Variants in FRY observed in about 807,000 individuals in gnomAD.
The protein encoded by FRY is protein furry homolog.
Under a neutral mutation model 348.4 loss-of-function variants are expected in FRY, and 128 were observed. That is an observed-to-expected ratio of 0.37 (90% CI 0.32 to 0.43). The LOEUF (loss-of-function observed/expected upper bound fraction) is 0.43. FRY is among the 20% of genes least tolerant of loss of function. The probability of loss-of-function intolerance (pLI) is 1.00; values close to 1 mark genes in which losing one functional copy is unlikely to be tolerated. For synonymous variants in FRY, 1,370 were observed against 1,374.7 expected (o/e 1.00, Z 0.08); for missense variants, 2,736 against 3,695.2 (o/e 0.74, Z 6.73).
At chr13:32,256,835 A>T (rs1887363818) in intron 51 of FRY, among the ~76,000 whole-genome samples, 1 of 150,530 alleles carries the variant, frequency 6.6e-6, no homozygotes, top group Admixed American at 6.7e-5. Context: ...AGCATTCCTC[A>T]TCTGAAAATT....
chr13:32,194,723 GA>G (rs978437130), intron 29 of FRY, among the ~76,000 whole-genome samples: 1 of 151,740 alleles, frequency 6.6e-6, no homozygotes, highest in African/African-American at 2.4e-5. Flanking sequence ...CTTCAGAAAG[GA>G]AAAAAAGAAA....
At chr13:32,118,762 T>C (rs566377517) in intron 4 of FRY, among the ~76,000 whole-genome samples, 3 of 152,322 alleles carry the variant, frequency 2.0e-5, no homozygotes, top group African/African-American at 7.2e-5. Flanking sequence ...TCCTCATGAA[T>C]ATTTTTTTAA....
intron 2 of FRY, among the ~76,000 whole-genome samples, chr13:32,099,119 G>A (rs1876978045): frequency 6.6e-6 from 1 of 151,840 alleles, no homozygotes; most frequent in South Asian, 2.1e-4. Flanking sequence ...ATGTGAGCAG[G>A]TACATATAAA....
chr13:32,177,265 A>G (rs915070757), intron 20 of FRY, among the ~76,000 whole-genome samples: 1 of 152,096 alleles, frequency 6.6e-6, no homozygotes, highest in Admixed American at 6.6e-5. Context: ...AGAGATTTTT[A>G]TTTTTGCTTG....
At chr13:32,270,128 A>G (rs1345188271) in intron 55 of FRY, among the ~76,000 whole-genome samples, 1 of 152,224 alleles carries the variant, frequency 6.6e-6, no homozygotes, top group Non-Finnish European at 1.5e-5. Context: ...AAGGCAAACT[A>G]CCAGAAAGCT....
intron 13 of FRY, among the ~76,000 whole-genome samples, chr13:32,148,631 A>G (rs1303162494): frequency 6.6e-6 from 1 of 152,236 alleles, no homozygotes; most frequent in Non-Finnish European, 1.5e-5. Context: ...AGCCTCTGCC[A>G]TGAGCCATCT....
intron 1 of FRY, among the ~76,000 whole-genome samples, chr13:32,069,983 G>A (rs1384476942): frequency 6.6e-6 from 1 of 151,654 alleles, no homozygotes. Flanking sequence ...CTGTCCTTGT[G>A]ATAGTTTGCT....
chr13:32,170,754 C>G (rs186806917), intron 17 of FRY, among the ~76,000 whole-genome samples: 2 of 152,230 alleles, frequency 1.3e-5, no homozygotes, highest in Non-Finnish European at 2.9e-5. Context: ...CCAAGCTGTC[C>G]TCGAACTCCT....
At chr13:32,175,060 A>G (rs998246305) in intron 19 of FRY, among the ~76,000 whole-genome samples, 1 of 152,198 alleles carries the variant, frequency 6.6e-6, no homozygotes, top group Non-Finnish European at 1.5e-5. Flanking sequence ...TACTATGTAG[A>G]TACTACAAAG....
intron 58 of FRY, among the ~76,000 whole-genome samples, chr13:32,280,818 C>T (rs768932637): frequency 6.6e-6 from 1 of 152,166 alleles, no homozygotes; most frequent in Non-Finnish European, 1.5e-5. Context: ...CGGGTTAACC[C>T]TAAGGATAAC....
At chr13:32,271,095 C>T (rs757066952) in intron 55 of FRY, among the ~76,000 whole-genome samples, 5 of 152,182 alleles carry the variant, frequency 3.3e-5, no homozygotes, top group Non-Finnish European at 7.3e-5. Context: ...TCTTTCTCCA[C>T]CCTCTACCTG....
intron 39 of FRY, among the ~76,000 whole-genome samples, chr13:32,226,276 A>G (rs1303265234): frequency 6.6e-6 from 1 of 152,224 alleles, no homozygotes; most frequent in East Asian, 1.9e-4. Context: ...CAGGAGCAGC[A>G]GTCTAGAACA....
In FRY at chr13:32,043,436, C is replaced by T. The variant is rs554794366; in HGVS notation, c.70+11571C>T. 5.9e-5 allele frequency among the ~76,000 whole-genome samples: 9 copies of T among 152,238 alleles called. No individual in the cohort carries two copies. The East Asian group carries it at 7.7e-4, about 13-fold the overall frequency. On this transcript the variant is annotated intron_variant, in intron 1 of 60. Transcript: ENST00000542859. ...TAAGCACTTATGAAGTGTCAAGAGC[C>T]GCATGAAGTGCTGTATATGTATCAT...
chr13:32,042,533 C>T (rs1220219746), intron 1 of FRY, among the ~76,000 whole-genome samples: 4 of 132,618 alleles, frequency 3.0e-5, no homozygotes, highest in Admixed American at 1.4e-4. Flanking sequence ...AACCCACAGC[C>T]TGGAGATGGG....
At chr13:32,115,277 C>T (rs1174303138) in intron 3 of FRY, among the ~76,000 whole-genome samples, 6 of 152,140 alleles carry the variant, frequency 3.9e-5, no homozygotes, top group African/African-American at 7.2e-5. Context: ...AAGTGAAGCC[C>T]GGCCTGCTTA....
At chr13:32,201,051 CT>C (rs1566127953) in intron 29 of FRY, among the ~76,000 whole-genome samples, 1 of 152,210 alleles carries the variant, frequency 6.6e-6, no homozygotes, top group African/African-American at 2.4e-5. Context: ...TTCTCTGAAA[CT>C]TTAGGGTGAA....
intron 1 of FRY, among the ~76,000 whole-genome samples, chr13:32,042,491 GCCT>G (rs1872793431): frequency 8.6e-6 from 1 of 116,232 alleles, no homozygotes; most frequent in African/African-American, 4.8e-5. Flanking sequence ...CCAACCCACA[GCCT>G]GGAGATGGGA....
intron 3 of FRY, among the ~76,000 whole-genome samples, chr13:32,111,221 T>G (rs1385498002): frequency 6.6e-6 from 1 of 152,076 alleles, no homozygotes; most frequent in African/African-American, 2.4e-5. Flanking sequence ...GATGCAGTGG[T>G]TCACTCCTAT....
rs190267985 is a variant in FRY, at chr13:32,274,906, G to A, written c.8201G>A (p.Arg2734Gln). Residue 2734 changes from arginine (R) to glutamine (Q), a missense_variant, in exon 56 of 61, where the codon CGG becomes CAG. Around this residue, in one of 9 missense-constraint regions of FRY, gnomAD observed 789 missense variants for 996.2 expected, o/e 0.79. Coordinates refer to ENST00000542859, the MANE Select transcript of FRY (RefSeq NM_023037.3). The stretch of plus-strand genomic sequence containing the variant: ...GCCAGTTACCTTGGAGATAACCTCC[G>A]GGGAATCGGATCCAAATTTGTCAGC... ...DAASYLGDNL[R>Q]GIGSKFVSSS... The A allele has an allele frequency of 5.7e-5, 92 of 1,612,702 alleles. No individual in the cohort carries two copies. The highest frequency in any genetic ancestry group is 6.7e-5 in the Admixed American group (4 of 59,978).
Sources: gnomAD v4.1 joint callset for allele counts (sites outside exome capture counted in the v4.1 genomes callset) on GRCh38, gnomAD v4.1.1 for gene constraint, gnomAD v4.1.1 regional missense constraint, MANE v1.5 for transcripts, NCBI Gene and HGNC (gene_info 2026-07-23, HGNC 2026-07-21) for gene names.